Variants in IMMP2L observed in about 807,000 individuals in gnomAD.
IMMP2L encodes the protein mitochondrial inner membrane protease subunit 2.
Under a neutral mutation model 19.3 loss-of-function variants are expected in IMMP2L, and 18 were observed. That is an observed-to-expected ratio of 0.93 (90% CI 0.64 to 1.38). The LOEUF (loss-of-function observed/expected upper bound fraction) is 1.38. Among genes scored for constraint, IMMP2L ranks in the 40% most tolerant of loss-of-function variants. The pLI, the probability that IMMP2L is intolerant of heterozygous loss-of-function variation, is 0.00. For synonymous variants in IMMP2L, 76 were observed against 73.0 expected, an observed-to-expected ratio of 1.04 and a Z score of -0.21; for missense variants, 233 against 218.2, an observed-to-expected ratio of 1.07 and a Z score of -0.43.
At chr7:110,875,793 A>C (rs978954027) in intron 5 of IMMP2L, among the ~76,000 whole-genome samples, 1 of 152,280 alleles carries the variant, frequency 6.6e-6, no homozygotes. Context: ...TGTAGTTGTC[A>C]GTCTAAGTAG....
At chr7:111,529,299 T>C (rs2132772888) in intron 1 of IMMP2L, among the ~76,000 whole-genome samples, 1 of 152,178 alleles carries the variant, frequency 6.6e-6, no homozygotes, top group South Asian at 2.1e-4. Context: ...ATACATGTGG[T>C]CTAATACAAG....
chr7:110,706,517 T>C (rs1339763653), intron 5 of IMMP2L, among the ~76,000 whole-genome samples: 1 of 152,122 alleles, frequency 6.6e-6, no homozygotes, highest in East Asian at 1.9e-4. Flanking sequence ...CTCACCAGCA[T>C]CTGTTGTTTG....
At chr7:111,561,464 T>TCAAA (rs1792040047) in intron 1 of IMMP2L, among the ~76,000 whole-genome samples, 2 of 152,154 alleles carry the variant, frequency 1.3e-5, no homozygotes, top group South Asian at 4.1e-4. Flanking sequence ...CTGTTCATTA[T>TCAAA]CAAACAGGAC....
intron 3 of IMMP2L, among the ~76,000 whole-genome samples, chr7:111,345,649 A>G (rs1827467683): frequency 6.6e-6 from 1 of 152,160 alleles, no homozygotes; most frequent in African/African-American, 2.4e-5. Context: ...AGAACATCAG[A>G]GGAGGCTAGT....
intron 3 of IMMP2L, among the ~76,000 whole-genome samples, chr7:111,389,594 TGAGA>T (rs756662744): frequency 6.7e-6 from 1 of 150,184 alleles, no homozygotes; most frequent in Non-Finnish European, 1.5e-5. Context: ...GAGGGCAGAT[TGAGA>T]GAGAGAGAGA....
Position 110,902,479 on chromosome 7 carries a change from A to AATATATATAT in IMMP2L, c.306-15794_306-15785dup, listed in dbSNP as rs67367468. 6.3e-4 allele frequency among the ~76,000 whole-genome samples: 89 copies of AATATATATAT among 140,540 alleles called. 1 individual carries two copies. Among genetic ancestry groups the AATATATATAT allele is most frequent in the African/African-American group, 2.1e-3 (78 of 37,006 alleles). The allele number at this position is 140,540 out of a possible 152,430, so 92.2% of individuals were successfully genotyped here. On this transcript the variant is annotated intron_variant, in intron 4 of 5. Coordinates refer to ENST00000405709, the MANE Select transcript of IMMP2L (RefSeq NM_032549.4). Reference sequence around the variant, plus strand: ...AATATAAATATGTCATGAATGATAAAATATATATATATATATATATATAGT... The same window carrying AATATATATAT: ...AATATAAATATGTCATGAATGATAAAATATATATATATATATATATATATATATATATAGT...
At chr7:111,124,188 G>A (rs868473146) in intron 3 of IMMP2L, 3 of 1,613,784 alleles carry the variant, frequency 1.9e-6, no homozygotes, top group African/African-American at 2.7e-5. Flanking sequence ...TGACAGACAA[G>A]TTCTATGTCC....
chr7:111,359,796 A>G (rs530666427), intron 3 of IMMP2L, among the ~76,000 whole-genome samples: 2 of 152,240 alleles, frequency 1.3e-5, no homozygotes, highest in South Asian at 4.1e-4. Context: ...AAAGAGTCCA[A>G]TAAATATTTA....
intron 5 of IMMP2L, among the ~76,000 whole-genome samples, chr7:110,749,663 G>A (rs1480703673): frequency 6.6e-6 from 1 of 152,012 alleles, no homozygotes; most frequent in Non-Finnish European, 1.5e-5. Context: ...ACCCAAACTT[G>A]CATGTTCTCA....
At chr7:110,841,321 C>T (rs1805059409) in intron 5 of IMMP2L, among the ~76,000 whole-genome samples, 1 of 151,712 alleles carries the variant, frequency 6.6e-6, no homozygotes, top group South Asian at 2.1e-4. Flanking sequence ...ACATTTAATA[C>T]AATTAAATGT....
chr7:111,234,238 TTC>T (rs1486501122), intron 3 of IMMP2L, among the ~76,000 whole-genome samples: 4 of 152,148 alleles, frequency 2.6e-5, no homozygotes, highest in Non-Finnish European at 5.9e-5. Context: ...CTACAAGTCT[TTC>T]TGTTATAGAT....
chr7:110,965,981 G>T (rs1382228870), intron 3 of IMMP2L, among the ~76,000 whole-genome samples: 1 of 151,602 alleles, frequency 6.6e-6, no homozygotes, highest in African/African-American at 2.4e-5. Flanking sequence ...CCAAATTTTG[G>T]CCACATGGAT....
chr7:111,440,623 C>CTT (rs1323984881), intron 3 of IMMP2L, among the ~76,000 whole-genome samples: 2 of 151,804 alleles, frequency 1.3e-5, no homozygotes, highest in African/African-American at 2.4e-5. Context: ...CAGCATAATG[C>CTT]TTAAGGGGCC....
chr7:111,136,065 G>A (rs1045584004), intron 3 of IMMP2L, among the ~76,000 whole-genome samples: 20 of 149,408 alleles, frequency 1.3e-4, no homozygotes, highest in Non-Finnish European at 2.8e-4. Flanking sequence ...GTCTTGCTCT[G>A]TTGCCCAGGC....
At chr7:111,461,103 T>C (rs1223904537) in intron 3 of IMMP2L, among the ~76,000 whole-genome samples, 2 of 152,130 alleles carry the variant, frequency 1.3e-5, no homozygotes, top group Non-Finnish European at 1.5e-5. Context: ...GACTTAGTGC[T>C]GGATAGTTGC....
intron 1 of IMMP2L, among the ~76,000 whole-genome samples, chr7:111,533,867 T>C (rs1847628646): frequency 6.6e-6 from 1 of 151,606 alleles, no homozygotes; most frequent in African/African-American, 2.4e-5. Context: ...TACATAAAAA[T>C]CAAAACATAC....
At chr7:111,006,225 GTGAC>G (rs1824277257) in intron 3 of IMMP2L, among the ~76,000 whole-genome samples, 1 of 152,154 alleles carries the variant, frequency 6.6e-6, no homozygotes, top group South Asian at 2.1e-4. Context: ...TCCAAAGATA[GTGAC>G]TGACTGACTC....
chr7:111,517,471 C>T (rs1845970426), intron 2 of IMMP2L, among the ~76,000 whole-genome samples: 1 of 149,964 alleles, frequency 6.7e-6, no homozygotes, highest in African/African-American at 2.4e-5. Flanking sequence ...GATAATGACA[C>T]AAAATTATTT....
intron 5 of IMMP2L, among the ~76,000 whole-genome samples, chr7:110,721,335 T>C (rs957588742): frequency 2.6e-5 from 4 of 152,082 alleles, no homozygotes; most frequent in Non-Finnish European, 4.4e-5. Flanking sequence ...ATATGGCAAA[T>C]AGTAAGAGCT....
Sources: gnomAD v4.1 joint callset for allele counts (sites outside exome capture counted in the v4.1 genomes callset) on GRCh38, gnomAD v4.1.1 for gene constraint, MANE v1.5 for transcripts, NCBI Gene and HGNC (gene_info 2026-07-23, HGNC 2026-07-21) for gene names.